Variants in LRP1B observed in about 807,000 individuals in gnomAD.
LRP1B encodes low-density lipoprotein receptor-related protein 1B.
A neutral mutation model predicts 556.6 loss-of-function variants in LRP1B; 217 were observed. That is an observed-to-expected ratio of 0.39 (90% CI 0.35 to 0.44). The LOEUF is 0.44. LRP1B is among the 20% of genes least tolerant of loss of function. The pLI is 1.00. For synonymous variants in LRP1B, 2,047 were observed against 1,865.8 expected (o/e 1.10, Z -2.50); for missense variants, 5,053 against 5,620.8 (o/e 0.90, Z 3.23).
chr2:142,012,096 A>G (rs1308518566), intron 1 of LRP1B, among the ~76,000 whole-genome samples: 3 of 152,170 alleles, frequency 2.0e-5, no homozygotes, highest in Non-Finnish European at 4.4e-5. Context: ...GATGAAAAAA[A>G]TGCCCAAAAT....
intron 1 of LRP1B, among the ~76,000 whole-genome samples, chr2:141,973,724 T>C (rs987201622): frequency 1.3e-5 from 2 of 151,876 alleles, no homozygotes; most frequent in Non-Finnish European, 2.9e-5. Context: ...GAGAGAACAA[T>C]GCTTTTATAA....
intron 1 of LRP1B, among the ~76,000 whole-genome samples, chr2:141,943,049 A>G (rs576202201): frequency 6.6e-6 from 1 of 152,352 alleles, no homozygotes; most frequent in East Asian, 1.9e-4. Context: ...ATAAGAAAAT[A>G]TTGAGTATAA....
At chr2:141,268,388 G>A (rs189072778) in intron 3 of LRP1B, among the ~76,000 whole-genome samples, 23 of 152,246 alleles carry the variant, frequency 1.5e-4, no homozygotes, top group Admixed American at 1.1e-3. Flanking sequence ...CATTTCTAAT[G>A]CAGTAAAATC....
intron 6 of LRP1B, among the ~76,000 whole-genome samples, chr2:141,206,425 C>CA (rs535626408): frequency 0.13 from 18,874 of 148,140 alleles, 1,298 homozygotes; most frequent in East Asian, 0.22. Flanking sequence ...ACTAAAAATG[C>CA]AAAAAAAAAA....
intron 27 of LRP1B, among the ~76,000 whole-genome samples, chr2:140,867,072 C>A (rs530928394): frequency 1.7e-4 from 26 of 152,074 alleles, no homozygotes; most frequent in African/African-American, 6.0e-4. Flanking sequence ...CTCATGGTAT[C>A]CCAGTGGGGC....
chr2:140,599,526 T>C (rs543958077), intron 42 of LRP1B, among the ~76,000 whole-genome samples: 13 of 152,218 alleles, frequency 8.5e-5, no homozygotes, highest in Admixed American at 7.9e-4. Context: ...TTATTCAATA[T>C]GTGGTTTTGA....
chr2:141,617,057 T>C (rs748553758), intron 2 of LRP1B, among the ~76,000 whole-genome samples: 18 of 152,224 alleles, frequency 1.2e-4, no homozygotes, highest in Non-Finnish European at 1.8e-4. Flanking sequence ...TTAGTATTAT[T>C]CAGTCCCTCT....
chr2:141,668,136 C>G (rs1390410314), intron 2 of LRP1B, among the ~76,000 whole-genome samples: 1 of 152,198 alleles, frequency 6.6e-6, no homozygotes. Flanking sequence ...TAGGTTCCAT[C>G]AGCCTTCAAT....
intron 2 of LRP1B, among the ~76,000 whole-genome samples, chr2:141,718,269 T>G (rs1343207260): frequency 6.6e-6 from 1 of 152,192 alleles, no homozygotes; most frequent in African/African-American, 2.4e-5. Context: ...GATTGGCATT[T>G]TTTTCATGAC....
At chr2:141,863,904 T>A (rs559148822) in intron 1 of LRP1B, among the ~76,000 whole-genome samples, 1 of 152,270 alleles carries the variant, frequency 6.6e-6, no homozygotes, top group South Asian at 2.1e-4. Context: ...ACAGGAAGAC[T>A]ATGGCTATCA....
chr2:141,088,963 A>C (rs1700111675), intron 7 of LRP1B, among the ~76,000 whole-genome samples: 1 of 152,228 alleles, frequency 6.6e-6, no homozygotes, highest in Non-Finnish European at 1.5e-5. Context: ...ACAAACAAAA[A>C]GTCATACATG....
rs149169898 is a variant in LRP1B at position 140,234,834 on chromosome 2, C to T, written c.13611G>A (p.Ala4537=). The stretch of plus-strand genomic sequence containing the variant: ...AATCAGAGTTTAGGTAGATGGGCGG[C>T]GCTGTGTGTGGAAGCTTGAAAGCAC... The part of the protein sequence containing the change: ...GPSAFKLPHT[A]PPIYLNSDLK... The change falls in exon 90 of 91, where the codon GCG becomes GCA. Residue 4537 remains alanine, a synonymous_variant. Transcript: ENST00000389484. The T allele has an allele frequency of 1.3e-4, 100 of 775,558 alleles. No individual in the cohort carries two copies. The highest frequency in any genetic ancestry group is 2.0e-4 in the Admixed American group (12 of 58,584). 48.0% of individuals were successfully genotyped at this position (775,558 alleles called of 1,614,324 possible). A position where few individuals can be genotyped will look rare whatever the true frequency, so the allele number is the denominator to read the frequency against.
At chr2:140,980,063 T>C (rs755162190) in intron 18 of LRP1B, among the ~76,000 whole-genome samples, 1 of 151,942 alleles carries the variant, frequency 6.6e-6, no homozygotes. Context: ...AGTAAATTGT[T>C]ATTAAAATAA....
intron 41 of LRP1B, among the ~76,000 whole-genome samples, chr2:140,643,780 A>T (rs1684384572): frequency 6.6e-6 from 1 of 152,188 alleles, no homozygotes; most frequent in Non-Finnish European, 1.5e-5. Context: ...TCAATGGTGC[A>T]ATGTTCATGC....
At position 140,314,949 on chromosome 2, in the gene LRP1B, A is replaced by T. The variant is rs2105036215; in HGVS notation, c.12791T>A (p.Val4264Glu). ...SNYCQNGGTC[V>E]PSVLGRPTCS... ...GAAATATTTACCTAGAACTGATGGT[A>T]CGCAAGTTCCTCCATTCTGGCAGTA... is the stretch of plus-strand genomic sequence containing the variant. Residue 4264 changes from valine to glutamate, a missense_variant, in exon 83 of 91, where the codon GTA becomes GAA. By Grantham distance (121) the Val-to-Glu change is moderately radical. Around this residue, in one of 5 missense-constraint regions of LRP1B, gnomAD observed 551 missense variants for 592.0 expected, o/e 0.93. Coordinates refer to ENST00000389484, the MANE Select transcript of LRP1B (RefSeq NM_018557.3). 1 of 1,606,182 alleles carries T rather than the reference A, an allele frequency of 6.2e-7. No individual in the cohort carries two copies. Among genetic ancestry groups the T allele is most frequent in the Non-Finnish European group, 8.5e-7 (1 of 1,176,224 alleles).
chr2:140,339,415 T>C (rs554309308), intron 77 of LRP1B, among the ~76,000 whole-genome samples: 1 of 151,894 alleles, frequency 6.6e-6, no homozygotes, highest in East Asian at 1.9e-4. Context: ...AAAATTTAGT[T>C]TACACAGGAT....
intron 2 of LRP1B, among the ~76,000 whole-genome samples, chr2:141,801,449 T>C (rs1203455139): frequency 6.6e-6 from 1 of 152,122 alleles, no homozygotes; most frequent in African/African-American, 2.4e-5. Flanking sequence ...CCACTGCACC[T>C]GGCCTGTTTT....
chr2:140,545,644 C>G (rs549374399), intron 43 of LRP1B, among the ~76,000 whole-genome samples: 2 of 151,962 alleles, frequency 1.3e-5, no homozygotes, highest in African/African-American at 4.8e-5. Context: ...TTGGTCTATA[C>G]GTCAGTTTTT....
intron 55 of LRP1B, among the ~76,000 whole-genome samples, chr2:140,499,007 C>T (rs2104883003): frequency 6.6e-6 from 1 of 151,978 alleles, no homozygotes; most frequent in African/African-American, 2.4e-5. Flanking sequence ...AACATATGCG[C>T]ACACCTTGTG....
Sources: gnomAD v4.1 joint callset for allele counts (sites outside exome capture counted in the v4.1 genomes callset) on GRCh38, gnomAD v4.1.1 for gene constraint, gnomAD v4.1.1 regional missense constraint, MANE v1.5 for transcripts, NCBI Gene and HGNC (gene_info 2026-07-23, HGNC 2026-07-21) for gene names.